Variants in MAST2 observed in about 807,000 individuals in gnomAD.
MAST2 encodes the protein microtubule-associated serine/threonine-protein kinase 2.
Under a neutral mutation model 147.4 loss-of-function variants are expected in MAST2, and 70 were observed. The observed-to-expected ratio is 0.47, with a 90% CI of 0.39 to 0.58. The LOEUF is 0.58. Among genes scored for constraint, MAST2 ranks in the 20% least tolerant of loss-of-function variants. The pLI is 0.00. For synonymous variants in MAST2, 869 were observed against 896.8 expected (o/e 0.97, Z 0.55); for missense variants, 2,080 against 2,302.3 (o/e 0.90, Z 1.98).
intron 4 of MAST2, among the ~76,000 whole-genome samples, chr1:45,940,641 A>C (rs1379218789): frequency 6.8e-6 from 1 of 146,774 alleles, no homozygotes; most frequent in Non-Finnish European, 1.5e-5. Flanking sequence ...TTTTTTTGAG[A>C]CAGAGTCTCG....
chr1:46,030,971 A>G, intron 22 of MAST2, 36 bp from the exon 23 acceptor site: 1 of 1,598,186 alleles, frequency 6.3e-7, no homozygotes, highest in Non-Finnish European at 8.5e-7. Context: ...GAGGGGGACC[A>G]CCTGGGTCAC....
intron 3 of MAST2, among the ~76,000 whole-genome samples, chr1:45,846,685 C>T (rs1357685412): frequency 1.3e-5 from 2 of 151,928 alleles, no homozygotes. Context: ...ATTAGCTGGG[C>T]GTGGTGGCGG....
At chr1:45,989,152 G>T (rs1222608246) in intron 5 of MAST2, among the ~76,000 whole-genome samples, 1 of 152,078 alleles carries the variant, frequency 6.6e-6, no homozygotes, top group African/African-American at 2.4e-5. Context: ...TATTAAACAT[G>T]AATTCTTCTT....
intron 5 of MAST2, among the ~76,000 whole-genome samples, chr1:45,967,499 C>T (rs1168699510): frequency 6.6e-6 from 1 of 152,014 alleles, no homozygotes; most frequent in Non-Finnish European, 1.5e-5. Context: ...ATACTCATAA[C>T]AAAATAAGCT....
intron 2 of MAST2, among the ~76,000 whole-genome samples, chr1:45,827,604 G>T (rs75486303): frequency 6.6e-6 from 1 of 152,042 alleles, no homozygotes; most frequent in Non-Finnish European, 1.5e-5. Context: ...AAGGCAGGCA[G>T]GCTCTACTCT....
At chr1:45,880,315 A>G (rs1184051063) in intron 3 of MAST2, among the ~76,000 whole-genome samples, 1 of 152,234 alleles carries the variant, frequency 6.6e-6, no homozygotes, top group African/African-American at 2.4e-5. Flanking sequence ...TTATATTTGT[A>G]TGGTTCCATT....
At chr1:45,966,522 G>A (rs1661231544) in intron 5 of MAST2, among the ~76,000 whole-genome samples, 1 of 152,098 alleles carries the variant, frequency 6.6e-6, no homozygotes, top group Admixed American at 6.6e-5. Context: ...CTTAAAGTCA[G>A]GAGTTCAAGA....
intron 4 of MAST2, among the ~76,000 whole-genome samples, chr1:45,920,377 C>G (rs573543794): frequency 6.6e-6 from 1 of 152,336 alleles, no homozygotes; most frequent in South Asian, 2.1e-4. Context: ...AGGGAGACTG[C>G]TGGACTCTGT....
intron 5 of MAST2, among the ~76,000 whole-genome samples, chr1:45,959,901 T>TTA (rs1489049013): frequency 6.6e-6 from 1 of 152,112 alleles, no homozygotes; most frequent in African/African-American, 2.4e-5. Context: ...TGCTCTTAGA[T>TTA]TAGGAGATAA....
intron 3 of MAST2, among the ~76,000 whole-genome samples, chr1:45,866,296 T>C (rs1303972891): frequency 6.6e-6 from 1 of 152,164 alleles, no homozygotes. Context: ...CTTATACTAA[T>C]TTCTCCTGTT....
rs1660034348 is a variant in MAST2 at position 45,959,021 on chromosome 1, G to A, written c.501-365G>A. On this transcript the variant is annotated intron_variant, in intron 4 of 28. Coordinates refer to ENST00000361297, the MANE Select transcript of MAST2 (RefSeq NM_015112.3). ...TTCTTAGAGAATATGAGAATATTTT[G>A]ACTTGTGCTTTTTATTTTGTAAATC... Among the ~76,000 whole-genome samples, 9 of 152,130 alleles carry A rather than the reference G, an allele frequency of 5.9e-5. No individual in the cohort carries two copies. In the South Asian group the frequency reaches 1.9e-3, roughly 32 times the overall value.
At chr1:45,857,620 C>T (rs372393463) in intron 3 of MAST2, among the ~76,000 whole-genome samples, 1 of 152,116 alleles carries the variant, frequency 6.6e-6, no homozygotes, top group East Asian at 1.9e-4. Context: ...TATTTTTATA[C>T]TTTAAGTTCT....
At chr1:46,018,009 T>C (rs920961297) in intron 10 of MAST2, among the ~76,000 whole-genome samples, 8 of 152,178 alleles carry the variant, frequency 5.3e-5, no homozygotes, top group Non-Finnish European at 1.2e-4. Flanking sequence ...ACCAAGGAAC[T>C]CACTGGCCAA....
intron 1 of MAST2, among the ~76,000 whole-genome samples, chr1:45,821,884 C>A (rs958251220): frequency 1.7e-5 from 2 of 119,368 alleles, no homozygotes; most frequent in Non-Finnish European, 3.4e-5. Context: ...TTCACCTTCA[C>A]CTTTTTTTTT....
At chr1:45,816,866 A>G (rs2148666543) in intron 1 of MAST2, among the ~76,000 whole-genome samples, 1 of 152,006 alleles carries the variant, frequency 6.6e-6, no homozygotes, top group African/African-American at 2.4e-5. Flanking sequence ...TTTAGTAGAG[A>G]CGGGGTTTCA....
intron 10 of MAST2, among the ~76,000 whole-genome samples, chr1:46,018,354 C>G (rs1175671036): frequency 2.0e-5 from 3 of 152,232 alleles, no homozygotes; most frequent in African/African-American, 4.8e-5. Flanking sequence ...GTGCACCCAG[C>G]TGCCTGCTGG....
At chr1:45,834,415 G>A (rs1036073109) in intron 3 of MAST2, among the ~76,000 whole-genome samples, 1 of 151,804 alleles carries the variant, frequency 6.6e-6, no homozygotes, top group Non-Finnish European at 1.5e-5. Context: ...AGAGATTTTT[G>A]GACTCTTCAT....
chr1:45,915,056 C>T (rs1164620861), intron 4 of MAST2, among the ~76,000 whole-genome samples: 1 of 152,156 alleles, frequency 6.6e-6, no homozygotes, highest in Non-Finnish European at 1.5e-5. Flanking sequence ...CCTTCCACCT[C>T]AGCAGCTGGG....
At chr1:45,890,039 C>T (rs754965986) in intron 4 of MAST2, among the ~76,000 whole-genome samples, 25 of 152,264 alleles carry the variant, frequency 1.6e-4, no homozygotes, top group Middle Eastern at 3.4e-3. Flanking sequence ...CCCCCGTGCC[C>T]AGCTGGAATG....
Sources: allele counts gnomAD v4.1 joint callset (sites outside exome capture counted in the v4.1 genomes callset), GRCh38; gene constraint gnomAD v4.1.1; transcripts MANE v1.5; gene names NCBI Gene and HGNC (gene_info 2026-07-23, HGNC 2026-07-21).